PLIN3: variants seen among roughly 807,000 people sequenced by gnomAD.
PLIN3 encodes the protein perilipin 3, also known as perilipin-3.
In PLIN3, 30 loss-of-function variants were observed where a neutral mutation model predicts 35.9. That is an observed-to-expected ratio of 0.84 (90% CI 0.62 to 1.13). The LOEUF (loss-of-function observed/expected upper bound fraction) is 1.13, where lower values mean the gene tolerates loss of function less well. Among genes scored for constraint, PLIN3 ranks in the 50% most tolerant of loss-of-function variants. PLIN3 has a pLI of 0.00. For missense variants in PLIN3, 603 were observed against 596.9 expected, an observed-to-expected ratio of 1.01 and a Z score of -0.11; for synonymous variants, 261 against 262.5, an observed-to-expected ratio of 0.99 and a Z score of 0.06.
intron 7 of PLIN3, among the ~76,000 whole-genome samples, chr19:4,840,802 G>A (rs1353759670): frequency 6.6e-6 from 1 of 152,134 alleles, no homozygotes; most frequent in Non-Finnish European, 1.5e-5. Context: ...AAAATTAGCC[G>A]GGTGTGGTGG....
intron 5 of PLIN3, among the ~76,000 whole-genome samples, chr19:4,851,173 T>C (rs1410376470): frequency 6.6e-6 from 1 of 151,258 alleles, no homozygotes; most frequent in African/African-American, 2.4e-5. Context: ...CTAAAACAAA[T>C]AAATAAAAAA....
chr19:4,857,570 A>G (rs1332101090), intron 4 of PLIN3, among the ~76,000 whole-genome samples: 1 of 151,764 alleles, frequency 6.6e-6, no homozygotes, highest in Non-Finnish European at 1.5e-5. Flanking sequence ...ACCTGTCTCA[A>G]AAAAAAAATT....
intron 1 of PLIN3, among the ~76,000 whole-genome samples, chr19:4,864,461 T>TGTTG (rs555523575): frequency 5.6e-5 from 8 of 144,018 alleles, no homozygotes; most frequent in East Asian, 2.0e-4. Flanking sequence ...GTTTGTTTTT[T>TGTTG]TTTTTGTTGT....
At chr19:4,865,787 G>A (rs1453560352) in intron 1 of PLIN3, among the ~76,000 whole-genome samples, 4 of 145,522 alleles carry the variant, frequency 2.7e-5, no homozygotes, top group African/African-American at 2.5e-5. Context: ...GCAGTGGCGC[G>A]ATCTCAGCTC....
chr19:4,862,335 T>G (rs1024770421), intron 1 of PLIN3, among the ~76,000 whole-genome samples: 1 of 151,934 alleles, frequency 6.6e-6, no homozygotes, highest in African/African-American at 2.4e-5. Flanking sequence ...GTTTTCACCA[T>G]GTTGGCCAGG....
intron 5 of PLIN3, among the ~76,000 whole-genome samples, chr19:4,850,736 A>T (rs1455614427): frequency 6.6e-6 from 1 of 150,740 alleles, no homozygotes; most frequent in Non-Finnish European, 1.5e-5. Flanking sequence ...TGCCCGGCCT[A>T]ATTTTTGTAT....
chr19:4,865,484 G>A (rs1043792973), intron 1 of PLIN3, among the ~76,000 whole-genome samples: 36 of 145,042 alleles, frequency 2.5e-4, no homozygotes, highest in East Asian at 6.9e-4. Context: ...GGGAGACTCC[G>A]TTTCAAAAAA....
intron 4 of PLIN3, among the ~76,000 whole-genome samples, chr19:4,855,353 G>A (rs1047805713): frequency 6.6e-6 from 1 of 151,726 alleles, no homozygotes; most frequent in Admixed American, 6.6e-5. Flanking sequence ...AAAGACTGTT[G>A]GCCTCCTACG....
intron 6 of PLIN3, 99 bp from the exon 7 acceptor site, chr19:4,844,892 G>A: frequency 7.4e-7 from 1 of 1,356,144 alleles, no homozygotes; most frequent in South Asian, 1.5e-5. Context: ...TGACTTACAT[G>A]ACAGTCTAGA....
intron 7 of PLIN3, among the ~76,000 whole-genome samples, chr19:4,843,900 T>C (rs1421370507): frequency 6.6e-6 from 1 of 152,226 alleles, no homozygotes; most frequent in Non-Finnish European, 1.5e-5. Flanking sequence ...ACTCGCCCTT[T>C]GAAGTGTACG....
At chr19:4,856,672 C>A (rs1245480591) in intron 4 of PLIN3, among the ~76,000 whole-genome samples, 5 of 151,856 alleles carry the variant, frequency 3.3e-5, no homozygotes, top group Non-Finnish European at 7.4e-5. Flanking sequence ...CAAACAATAA[C>A]CGATTAAGCC....
intron 4 of PLIN3, 125 bp from the exon 5 acceptor site, chr19:4,852,426 C>A: frequency 8.6e-7 from 1 of 1,157,196 alleles, no homozygotes; most frequent in Non-Finnish European, 1.2e-6. Flanking sequence ...CCAGCATCTC[C>A]GTCTTCCCTC....
intron 7 of PLIN3, among the ~76,000 whole-genome samples, chr19:4,840,837 C>G (rs2029880943): frequency 6.6e-6 from 1 of 152,150 alleles, no homozygotes; most frequent in African/African-American, 2.4e-5. Flanking sequence ...CCCAGCTACA[C>G]AGGAAGCTGA....
intron 1 of PLIN3, among the ~76,000 whole-genome samples, chr19:4,862,096 G>C (rs1037356305): frequency 6.7e-6 from 1 of 149,926 alleles, no homozygotes; most frequent in Non-Finnish European, 1.5e-5. Context: ...ACACCACCAC[G>C]CCTACTTAAT....
intron 5 of PLIN3, among the ~76,000 whole-genome samples, chr19:4,849,667 T>A (rs568871528): frequency 3.2e-4 from 49 of 151,932 alleles, no homozygotes; most frequent in African/African-American, 7.2e-4. Context: ...TTATTTATTT[T>A]TTTGAGACAG....
chr19:4,860,745 T>C (rs1001287368), intron 2 of PLIN3, among the ~76,000 whole-genome samples: 7 of 151,384 alleles, frequency 4.6e-5, no homozygotes, highest in South Asian at 4.2e-4. Flanking sequence ...CCGAGGCGGG[T>C]GGGTCACTTT....
At chr19:4,862,133 CTT>C (rs34562088) in intron 1 of PLIN3, among the ~76,000 whole-genome samples, 14 of 130,998 alleles carry the variant, frequency 1.1e-4, no homozygotes, top group South Asian at 2.4e-4. Context: ...GAGATGTTAT[CTT>C]TTTTTTTTTT....
intron 2 of PLIN3, 113 bp from the exon 3 acceptor site, chr19:4,860,137 G>C (rs554453617): frequency 2.4e-6 from 2 of 843,600 alleles, no homozygotes; most frequent in Admixed American, 2.1e-5. Context: ...AAACGGCTCA[G>C]TTTACCCACA....
intron 1 of PLIN3, among the ~76,000 whole-genome samples, chr19:4,864,665 G>A (rs894055320): frequency 6.6e-6 from 1 of 152,030 alleles, no homozygotes; most frequent in East Asian, 1.9e-4. Flanking sequence ...TGCCTGCACC[G>A]CAGAGCTATG....
Sources: gnomAD v4.1 joint callset for allele counts (sites outside exome capture counted in the v4.1 genomes callset) on GRCh38, gnomAD v4.1.1 for gene constraint, MANE v1.5 for transcripts, NCBI Gene and HGNC (gene_info 2026-07-23, HGNC 2026-07-21) for gene names.